The following EIF2S2 variants were observed in gnomAD, a reference collection of about 807,000 sequenced individuals.
EIF2S2 encodes the protein eukaryotic translation initiation factor 2 subunit beta.
A neutral mutation model predicts 44.0 loss-of-function variants in EIF2S2; 4 were observed. The observed-to-expected ratio is 0.09, with a 90% confidence interval of 0.04 to 0.21. The LOEUF (loss-of-function observed/expected upper bound fraction) is 0.21. EIF2S2 is among the 10% of genes least tolerant of loss of function. EIF2S2 has a pLI of 1.00. For synonymous variants in EIF2S2, 108 were observed against 128.3 expected, an observed-to-expected ratio of 0.84 and a Z score of 1.07; for missense variants, 154 against 392.0, an observed-to-expected ratio of 0.39 and a Z score of 5.13.
intron 6 of EIF2S2, among the ~76,000 whole-genome samples, chr20:34,094,447 G>A (rs2122398218): frequency 6.6e-6 from 1 of 152,216 alleles, no homozygotes; most frequent in Non-Finnish European, 1.5e-5. Context: ...AAAAAAATCT[G>A]AAGCAAATGT....
rs1601537489 is a variant in EIF2S2 at position 34,103,688 on chromosome 20, C to T, written c.194-123G>A. Reference sequence around the variant, plus strand: ...AAGACTGACTATTAATTAGTCCCTCCACAATCACAAAACTTATGGTTCTTT... The same window carrying T: ...AAGACTGACTATTAATTAGTCCCTCTACAATCACAAAACTTATGGTTCTTT... On this transcript the variant is annotated intron_variant, in intron 2 of 8. Coordinates refer to ENST00000374980, the MANE Select transcript of EIF2S2 (RefSeq NM_003908.5). 2.3e-6 allele frequency: 3 copies of T among 1,318,372 alleles called. No homozygotes were observed. In the African/African-American group the frequency reaches 4.7e-5, roughly 21 times the overall value. The allele number at this position is 1,318,372 out of a possible 1,614,324, so 81.7% of individuals were successfully genotyped here. A position where few individuals can be genotyped will look rare whatever the true frequency, so the allele number is the denominator to read the frequency against.
chr20:34,090,672 T>C, intron 7 of EIF2S2, 70 bp from the exon 8 acceptor site: 1 of 875,116 alleles, frequency 1.1e-6, no homozygotes, highest in South Asian at 1.8e-5. Flanking sequence ...CCAGCACCTT[T>C]AAACTTAATG....
chr20:34,103,612 C>A, intron 2 of EIF2S2, 47 bp from the exon 3 acceptor site: 1 of 1,475,402 alleles, frequency 6.8e-7, no homozygotes, highest in Non-Finnish European at 9.0e-7. Flanking sequence ...GGCAAAGCAT[C>A]AAATTATGAG....
chr20:34,093,866 T>C (rs890609367), intron 6 of EIF2S2, 135 bp from the exon 7 acceptor site: 47 of 764,246 alleles, frequency 6.1e-5, no homozygotes, highest in Non-Finnish European at 9.1e-5. Context: ...TATTTAAACT[T>C]TGAAATAAAG....
chr20:34,090,390 C>T (rs1240880349), intron 8 of EIF2S2, 127 bp downstream of exon 8: 4 of 559,264 alleles, frequency 7.2e-6, no homozygotes, highest in Non-Finnish European at 1.2e-5. Context: ...CTTTCACTAT[C>T]ATTTTGTCTC....
At chr20:34,102,165 T>G (rs891355136) in intron 3 of EIF2S2, among the ~76,000 whole-genome samples, 7 of 152,160 alleles carry the variant, frequency 4.6e-5, no homozygotes, top group Non-Finnish European at 8.8e-5. Flanking sequence ...AGAACTAATC[T>G]TCCAATAAAA....
At chr20:34,099,337 A>C (rs543231141) in intron 3 of EIF2S2, among the ~76,000 whole-genome samples, 3 of 152,242 alleles carry the variant, frequency 2.0e-5, no homozygotes, top group East Asian at 3.9e-4. Flanking sequence ...AGCCTGGGCA[A>C]CAAGAGGGAA....
chr20:34,103,631 A>G lies in EIF2S2; in HGVS notation c.194-66T>C, dbSNP rs1601537438. 16 of 1,437,980 alleles carry G rather than the reference A, an allele frequency of 1.1e-5. No individual in the cohort carries two copies. In the East Asian group the frequency reaches 4.1e-4, roughly 37 times the overall value. 89.1% of individuals were successfully genotyped at this position (1,437,980 alleles called of 1,614,324 possible). A position where few individuals can be genotyped will look rare whatever the true frequency, so the allele number is the denominator to read the frequency against. ...AAGCATCAAATTATGAGTTACACAA[A>G]CATAGTTCAGCAATTAATCAAGTCA... On this transcript the variant is annotated intron_variant, in intron 2 of 8. Transcript: ENST00000374980.
intron 4 of EIF2S2, among the ~76,000 whole-genome samples, chr20:34,098,246 C>CAA (rs749583152): frequency 6.4e-5 from 6 of 93,816 alleles, no homozygotes; most frequent in Admixed American, 1.2e-4. Flanking sequence ...GACTCCGTCT[C>CAA]AAAAAAAAAA....
intron 6 of EIF2S2, among the ~76,000 whole-genome samples, chr20:34,095,308 CTCTT>C (rs1194882088): frequency 3.1e-5 from 4 of 127,416 alleles, no homozygotes; most frequent in Non-Finnish European, 4.8e-5. Context: ...AGTTAGCTAC[CTCTT>C]TTTTTTTTTT....
In EIF2S2 at chr20:34,096,746, C is replaced by T; in HGVS notation, c.594G>A (p.Glu198=). The part of the protein sequence containing the change: ...REKNPDMVAG[E]KRKFVMKPPQ... ...GAGGTTTCATGACAAATTTCCTTTT[C>T]TCCCCAGCAACCATATCTGGATTCT... is the stretch of plus-strand genomic sequence containing the variant. Residue 198 remains glutamate (E), a synonymous_variant, in exon 6 of 9, where the codon GAG becomes GAA. Transcript: ENST00000374980. 6.2e-7 allele frequency: 1 copy of T among 1,612,034 alleles called. No homozygotes were observed. Among genetic ancestry groups the T allele is most frequent in the South Asian group, 1.1e-5 (1 of 90,672 alleles).
intron 6 of EIF2S2, 84 bp downstream of exon 6, chr20:34,096,573 G>A: frequency 1.5e-6 from 2 of 1,370,172 alleles, no homozygotes; most frequent in Non-Finnish European, 2.0e-6. Context: ...CTATAATAAA[G>A]TCGACAATAA....
At position 34,089,580 on chromosome 20, in the gene EIF2S2, A is replaced by T. The variant is rs1488283585; in HGVS notation, c.*150T>A. On this transcript the variant is annotated 3_prime_UTR_variant, in exon 9 of 9. Coordinates refer to ENST00000374980, the MANE Select transcript of EIF2S2 (RefSeq NM_003908.5). ...TGAGTATGTCAACAGCTTGAGCATC[A>T]GCGTCTTGCAAGGACTTCAGACCAA... The T allele has an allele frequency of 2.8e-6, 2 of 703,556 alleles. No homozygotes were observed. The allele number at this position is 703,556 out of a possible 1,614,324, so 43.6% of individuals were successfully genotyped here.
rs371034936 is a variant in EIF2S2, at chr20:34,112,125, T to A, written c.-15A>T. ...TCCCCAGACATGGCTGCGGCTCGAG[T>A]GGGCTCGGCACGGACGGGAAGTCAG... On this transcript the variant is annotated 5_prime_UTR_variant, in exon 1 of 9. Coordinates refer to ENST00000374980, the MANE Select transcript of EIF2S2 (RefSeq NM_003908.5). 126 of 1,545,454 alleles carry A rather than the reference T, an allele frequency of 8.2e-5. No homozygotes were observed. In the Middle Eastern group the frequency reaches 2.7e-3, roughly 33 times the overall value.
chr20:34,094,036 G>A (rs2034199402), intron 6 of EIF2S2, among the ~76,000 whole-genome samples: 1 of 152,154 alleles, frequency 6.6e-6, no homozygotes. Flanking sequence ...GACTACAGGT[G>A]TGTGCCACCA....
At chr20:34,098,410 T>C in intron 4 of EIF2S2, 88 bp downstream of exon 4, 1 of 1,495,010 alleles carries the variant, frequency 6.7e-7, no homozygotes, top group East Asian at 2.3e-5. Flanking sequence ...AAGAAAAAAA[T>C]TTTAAAAGCA....
At chr20:34,091,785 G>GT (rs2122390605) in intron 7 of EIF2S2, among the ~76,000 whole-genome samples, 1 of 142,372 alleles carries the variant, frequency 7.0e-6, no homozygotes, top group East Asian at 2.2e-4. Context: ...TTGGGGGGGG[G>GT]GGGTCCAAGG....
chr20:34,110,096 CAAAAAAAA>C (rs11167227), intron 1 of EIF2S2, among the ~76,000 whole-genome samples: 5 of 86,192 alleles, frequency 5.8e-5, no homozygotes, highest in African/African-American at 2.1e-4. Flanking sequence ...AATTCCATCT[CAAAAAAAA>C]AAAAAAAAAA....
At chr20:34,099,287 G>A (rs1248726677) in intron 3 of EIF2S2, among the ~76,000 whole-genome samples, 2 of 151,762 alleles carry the variant, frequency 1.3e-5, no homozygotes, top group African/African-American at 4.8e-5. Context: ...AACCCAGGAA[G>A]CAGAGGTTGC....
Sources: gnomAD v4.1 joint callset for allele counts (sites outside exome capture counted in the v4.1 genomes callset) on GRCh38, gnomAD v4.1.1 for gene constraint, MANE v1.5 for transcripts, NCBI Gene and HGNC (gene_info 2026-07-23, HGNC 2026-07-21) for gene names.